The following PCDHGB3 variants were observed in gnomAD, a reference collection of about 807,000 sequenced individuals.
PCDHGB3 encodes protocadherin gamma-B3.
PCDHGB3 carries 40 observed loss-of-function variants against 59.2 expected under a neutral mutation model. That is an observed-to-expected ratio of 0.68 (90% confidence interval 0.52 to 0.88). PCDHGB3 has a LOEUF of 0.88. PCDHGB3 is among the 40% of genes least tolerant of loss of function. PCDHGB3 has a pLI of 0.00. For missense variants in PCDHGB3, 1,309 were observed against 1,187.9 expected, an observed-to-expected ratio of 1.10 and a Z score of -1.50; for synonymous variants, 581 against 503.6, an observed-to-expected ratio of 1.15 and a Z score of -2.06.
At chr5:141,389,733 C>A in intron 1 of PCDHGB3, 1 of 1,612,786 alleles carries the variant, frequency 6.2e-7, no homozygotes, top group Non-Finnish European at 8.5e-7. Flanking sequence ...GCTCTTCAGC[C>A]TGGGGCTGCG....
At chr5:141,423,783 A>G in intron 1 of PCDHGB3, 1 of 1,264,712 alleles carries the variant, frequency 7.9e-7, no homozygotes, top group South Asian at 1.9e-5. Context: ...TATTTAGTTC[A>G]TATATATTTA....
intron 1 of PCDHGB3, chr5:141,398,456 C>A (rs1262009079): frequency 6.3e-7 from 1 of 1,590,134 alleles, no homozygotes; most frequent in Non-Finnish European, 8.6e-7. Context: ...GAGGCTGTTG[C>A]TGAAAATCCA....
chr5:141,415,477 CGAAA>C (rs764359660), intron 1 of PCDHGB3: 56 of 1,614,066 alleles, frequency 3.5e-5, no homozygotes, highest in Middle Eastern at 3.3e-4. Context: ...CGCGGACTCG[CGAAA>C]GAGTCACCTG....
At chr5:141,464,682 T>C (rs1442997972) in intron 1 of PCDHGB3, among the ~76,000 whole-genome samples, 1 of 152,132 alleles carries the variant, frequency 6.6e-6, no homozygotes, top group Non-Finnish European at 1.5e-5. Flanking sequence ...TTAATTAAAA[T>C]TTCTCTTATT....
At chr5:141,404,410 A>G (rs1343740045) in intron 1 of PCDHGB3, 2 of 1,613,728 alleles carry the variant, frequency 1.2e-6, no homozygotes, top group Non-Finnish European at 1.7e-6. Context: ...AGAATTCTAG[A>G]GTTATTTACT....
intron 1 of PCDHGB3, among the ~76,000 whole-genome samples, chr5:141,433,680 A>G (rs570459317): frequency 1.3e-5 from 2 of 152,236 alleles, no homozygotes; most frequent in African/African-American, 4.8e-5. Context: ...TACTAAAAAA[A>G]TACAAAATTA....
chr5:141,451,593 C>A (rs2098719809), intron 1 of PCDHGB3, among the ~76,000 whole-genome samples: 1 of 152,042 alleles, frequency 6.6e-6, no homozygotes, highest in African/African-American at 2.4e-5. Context: ...TTGAAAGTGA[C>A]ATACAAGGCT....
intron 1 of PCDHGB3, chr5:141,374,833 T>A (rs761729063): frequency 6.2e-7 from 1 of 1,613,930 alleles, no homozygotes; most frequent in East Asian, 2.2e-5. Context: ...ACCGTGTAAG[T>A]GTTCCTGAAA....
In PCDHGB3 at chr5:141,503,604, A is replaced by G. The variant is rs189211439; in HGVS notation, c.2475-1789A>G. 5.2e-3 allele frequency among the ~76,000 whole-genome samples: 793 copies of G among 151,946 alleles called. 3 individuals carry two copies. The highest frequency in any genetic ancestry group is 8.3e-3 in the Non-Finnish European group (566 of 67,924). On this transcript the variant is annotated intron_variant, in intron 2 of 3. Coordinates refer to ENST00000576222, the MANE Select transcript of PCDHGB3 (RefSeq NM_018924.5). ...ACAGAGCGAGACTCCAGCTCAAAAA[A>G]AAAAAAAAAAGAAAAAAGAAAAGAA...
chr5:141,419,269 C>G (rs1456612499), intron 1 of PCDHGB3: 1 of 1,614,034 alleles, frequency 6.2e-7, no homozygotes, highest in Admixed American at 1.7e-5. Flanking sequence ...CGGGTGCCTC[C>G]ATAGCGCAAG....
intron 1 of PCDHGB3, chr5:141,426,390 C>T (rs1211244710): frequency 7.9e-6 from 2 of 252,180 alleles, no homozygotes; most frequent in African/African-American, 4.4e-5. Flanking sequence ...AGATCCGCTA[C>T]TCTATTCCAG....
At chr5:141,388,597 A>G (rs1277451358) in intron 1 of PCDHGB3, 1 of 1,613,752 alleles carries the variant, frequency 6.2e-7, no homozygotes, top group Non-Finnish European at 8.5e-7. Context: ...GCCAATGATA[A>G]TGCTCCAGTG....
At chr5:141,391,795 A>G (rs1220181718) in intron 1 of PCDHGB3, 2 of 152,206 alleles carry the variant, frequency 1.3e-5, no homozygotes, top group African/African-American at 4.8e-5. Context: ...GCAGTTTTTT[A>G]GATCAAAGTG....
intron 2 of PCDHGB3, among the ~76,000 whole-genome samples, chr5:141,499,884 C>T (rs917762715): frequency 2.0e-5 from 3 of 152,014 alleles, no homozygotes; most frequent in Admixed American, 6.5e-5. Flanking sequence ...AACAGGGTTT[C>T]GCCATGTTGG....
intron 3 of PCDHGB3, among the ~76,000 whole-genome samples, chr5:141,508,579 G>A (rs569867127): frequency 6.6e-6 from 1 of 152,234 alleles, no homozygotes; most frequent in East Asian, 1.9e-4. Flanking sequence ...ACCCACTCGG[G>A]GTGCTACTCA....
chr5:141,400,694 C>G, intron 1 of PCDHGB3: 2 of 763,776 alleles, frequency 2.6e-6, no homozygotes, highest in Non-Finnish European at 4.2e-6. Flanking sequence ...GTTTTTATGT[C>G]GCATAAAAGA....
rs777247531 is a variant in PCDHGB3 at position 141,476,417 on chromosome 5, C to T, written c.2416-18390C>T. 3 of 1,614,112 alleles carry T rather than the reference C, an allele frequency of 1.9e-6. No homozygotes were observed. Among genetic ancestry groups the T allele is most frequent in the Admixed American group, 1.7e-5 (1 of 60,018 alleles). The stretch of plus-strand genomic sequence containing the variant: ...GGATCGAGAGGAGCTGTGTGGGACA[C>T]TGCCCTCTTGCACTGTAACTCTGGA... On this transcript the variant is annotated intron_variant, in intron 1 of 3. Coordinates refer to ENST00000576222, the MANE Select transcript of PCDHGB3 (RefSeq NM_018924.5). The surrounding 1 kb of genome is among the most constrained non-coding windows in gnomAD (Gnocchi z 7.6).
At position 141,476,591 on chromosome 5, in the gene PCDHGB3, G is replaced by C. The variant is rs200254399; in HGVS notation, c.2416-18216G>C. The C allele has an allele frequency of 6.2e-7, 1 of 1,614,230 alleles. No homozygotes were observed. Among genetic ancestry groups the C allele is most frequent in the East Asian group, 2.2e-5 (1 of 44,870 alleles). On this transcript the variant is annotated intron_variant, in intron 1 of 3. Coordinates refer to ENST00000576222, the MANE Select transcript of PCDHGB3 (RefSeq NM_018924.5). This position sits in a 1 kb window ranked among gnomAD's most constrained non-coding sequence, Gnocchi z 7.6. ...GGGGACGCGCTTTCCGCTCGAGAGCGCGCACGATCCCGATGTGGGAAGCAA... is the reference window on the plus strand; with the variant it reads ...GGGGACGCGCTTTCCGCTCGAGAGCCCGCACGATCCCGATGTGGGAAGCAA...
chr5:141,485,151 T>G lies in PCDHGB3; in HGVS notation c.2416-9656T>G. The G allele has an allele frequency of 2.5e-6, 4 of 1,584,876 alleles. No individual in the cohort carries two copies. Among genetic ancestry groups the G allele is most frequent in the Non-Finnish European group, 3.5e-6 (4 of 1,156,528 alleles). ...GCTTCATCCGCGTCTCAGGAGCAAG[T>G]AGAGAATTAGCGGGCGGCAGCAATG... On this transcript the variant is annotated intron_variant, in intron 1 of 3. Coordinates refer to ENST00000576222, the MANE Select transcript of PCDHGB3 (RefSeq NM_018924.5). The surrounding 1 kb of genome is among the most constrained non-coding windows in gnomAD (Gnocchi z 5.7).
Sources: allele counts gnomAD v4.1 joint callset (sites outside exome capture counted in the v4.1 genomes callset), GRCh38; gene constraint gnomAD v4.1.1; non-coding constraint Gnocchi (gnomAD v3.1); transcripts MANE v1.5; gene names NCBI Gene and HGNC (gene_info 2026-07-23, HGNC 2026-07-21).